The following F8 variants were observed in gnomAD, a reference collection of about 807,000 sequenced individuals.
The protein encoded by F8 is antihemophilic factor.
In F8, 12 loss-of-function variants were observed where a neutral mutation model predicts 140.6. The observed-to-expected ratio is 0.09, with a 90% CI of 0.05 to 0.14. The LOEUF (loss-of-function observed/expected upper bound fraction) is 0.14. F8 is among the 10% of genes least tolerant of loss of function. F8 has a pLI of 1.00. For missense variants in F8, 1,354 were observed against 1,720.7 expected (o/e 0.79, Z 3.77); for synonymous variants, 585 against 614.6 (o/e 0.95, Z 0.71).
rs943592957 is a variant in F8 at position 154,835,981 on chromosome X, C to T, written c.*1616G>A. 3 of 111,988 alleles carry T rather than the reference C, an allele frequency of 2.7e-5. No homozygotes were observed. The highest frequency in any genetic ancestry group is 9.7e-5 in the African/African-American group (3 of 30,826). 9.2% of individuals were successfully genotyped at this position (111,988 alleles called of 1,213,427 possible). A position where few individuals can be genotyped will look rare whatever the true frequency, so the allele number is the denominator to read the frequency against. ...TCACCTTTGGGGTTAACTCCTCTAC[C>T]GGGCTATAAAACAAAACAACTTATT... is the stretch of plus-strand genomic sequence containing the variant. On this transcript the variant is annotated 3_prime_UTR_variant, in exon 26 of 26. Transcript: ENST00000360256.
chrX:154,895,989 G>T, intron 22 of F8, 88 bp downstream of exon 22: 1 of 923,928 alleles, frequency 1.1e-6, no homozygotes, highest in Non-Finnish European at 1.6e-6. Flanking sequence ...TTAAGTTTGT[G>T]GAAGCTAAGA....
intron 1 of F8, among the ~76,000 whole-genome samples, chrX:155,002,815 AG>A (rs2073653752): frequency 8.9e-6 from 1 of 112,108 alleles, no homozygotes; most frequent in African/African-American, 3.2e-5. Flanking sequence ...ATAGTGCACA[AG>A]GGTTCCAATT....
In F8 at chrX:154,861,705, T is replaced by C. The variant is rs781838306; in HGVS notation, c.6723+13A>G. 2.5e-6 allele frequency: 3 copies of C among 1,211,342 alleles called. No homozygotes were observed. In the African/African-American group the frequency reaches 5.2e-5, roughly 21 times the overall value. On this transcript the variant is annotated intron_variant, in intron 24 of 25. Transcript: ENST00000360256. ...CTCTGAGTCAGTTAAACAGTAAATC[T>C]GTTGCCTCTTACCTGAGGTCTCCAG...
chrX:154,966,751 G>A (rs1415374024), intron 7 of F8, 64 bp from the exon 8 acceptor site: 32 of 1,129,137 alleles, frequency 2.8e-5, no homozygotes, highest in Non-Finnish European at 3.1e-5. Flanking sequence ...CTATACCAGA[G>A]ACTAGGTAAT....
At chrX:155,007,968 G>A (rs782556165) in intron 1 of F8, among the ~76,000 whole-genome samples, 5 of 111,162 alleles carry the variant, frequency 4.5e-5, no homozygotes, top group Non-Finnish European at 9.5e-5. Flanking sequence ...TAATCTTGGC[G>A]TAACTTAGCC....
At chrX:154,912,213 G>A (rs1447808028) in intron 14 of F8, among the ~76,000 whole-genome samples, 5 of 111,638 alleles carry the variant, frequency 4.5e-5, no homozygotes, top group Non-Finnish European at 7.5e-5. Context: ...ATATAATCCC[G>A]TTTGTCTACT....
chrX:155,013,336 T>A (rs782490051), intron 1 of F8, among the ~76,000 whole-genome samples: 3 of 109,685 alleles, frequency 2.7e-5, no homozygotes, highest in Non-Finnish European at 5.7e-5. Context: ...ATAAGTCTCA[T>A]GAGGGCTGAT....
At position 154,929,237 on chromosome X, in the gene F8, T is replaced by G; in HGVS notation, c.4553A>C (p.His1518Pro). Residue 1518 changes from histidine to proline, a missense_variant, in exon 14 of 26, where the codon CAC (histidine) becomes CCC (proline). His to Pro is a moderately conservative substitution (Grantham distance 77, BLOSUM62 -2). Transcript: ENST00000360256. ...AGGGAATAGGTCCTTCTGATAAATG[T>G]GAACTTTTGGAAGCAATTCAACTTT... ...SGKVELLPKV[H>P]IYQKDLFPTE... 1 of 1,211,783 alleles carries G rather than the reference T, an allele frequency of 8.3e-7. No homozygotes were observed. The highest frequency in any genetic ancestry group is 1.1e-6 in the Non-Finnish European group (1 of 895,540).
intron 22 of F8, among the ~76,000 whole-genome samples, chrX:154,875,786 G>A (rs1569559396): frequency 9.1e-6 from 1 of 109,471 alleles, no homozygotes; most frequent in Non-Finnish European, 1.9e-5. Flanking sequence ...GAGAGAGAGA[G>A]AGTCTATAAT....
chrX:154,839,529 A>G (rs1458995294), intron 25 of F8, among the ~76,000 whole-genome samples: 2 of 109,037 alleles, frequency 1.8e-5, no homozygotes, highest in Non-Finnish European at 3.8e-5. Flanking sequence ...TGCCCGGCTC[A>G]TTTTTTGTAT....
intron 13 of F8, among the ~76,000 whole-genome samples, chrX:154,939,301 C>T (rs782688492): frequency 5.2e-4 from 58 of 112,155 alleles, no homozygotes; most frequent in African/African-American, 1.9e-3. Context: ...CCTGGAAAAT[C>T]GGGTCACTCC....
chrX:154,960,592 T>TGA lies in F8; in HGVS notation c.1537+481_1537+482dup, dbSNP rs782609475. On this transcript the variant is annotated intron_variant, in intron 10 of 25. Coordinates refer to ENST00000360256, the MANE Select transcript of F8 (RefSeq NM_000132.4). The stretch of plus-strand genomic sequence containing the variant: ...ACCAAAAGTGAGAGTGAAACCCTGT[T>TGA]GAGAGAGAGAGAGAGAGAGAGCAAG... Among the ~76,000 whole-genome samples, 398 of 99,809 alleles carry TGA rather than the reference T, an allele frequency of 4.0e-3. 2 individuals carry two copies. The highest frequency in any genetic ancestry group is 8.5e-3 in the African/African-American group (231 of 27,307). 86.7% of individuals were successfully genotyped at this position (99,809 alleles called of 115,157 possible).
At chrX:154,925,420 C>T (rs1330290917) in intron 14 of F8, among the ~76,000 whole-genome samples, 1 of 111,793 alleles carries the variant, frequency 8.9e-6, no homozygotes, top group Non-Finnish European at 1.9e-5. Context: ...CTCCAGACCC[C>T]GGAATGGTAG....
intron 4 of F8, among the ~76,000 whole-genome samples, chrX:154,991,801 G>A (rs1470373730): frequency 2.7e-5 from 3 of 111,259 alleles, no homozygotes; most frequent in East Asian, 5.6e-4. Context: ...TCCACTCCCC[G>A]CTCCCATCCT....
intron 25 of F8, among the ~76,000 whole-genome samples, chrX:154,838,017 C>G (rs2072488791): frequency 1.8e-5 from 2 of 112,348 alleles, no homozygotes; most frequent in Non-Finnish European, 1.9e-5. Flanking sequence ...TGTCCTGGGT[C>G]ACACACAGCA....
chrX:154,878,781 A>G (rs1437391916), intron 22 of F8, among the ~76,000 whole-genome samples: 1 of 112,628 alleles, frequency 8.9e-6, no homozygotes, highest in African/African-American at 3.2e-5. Context: ...CGAATTCAGC[A>G]AAGTTGCAAG....
At chrX:154,998,006 G>T (rs1161718360) in intron 2 of F8, among the ~76,000 whole-genome samples, 1 of 112,583 alleles carries the variant, frequency 8.9e-6, no homozygotes, top group Non-Finnish European at 1.9e-5. Flanking sequence ...TAAACAGTCT[G>T]TTGAATGAAC....
chrX:154,968,351 G>T (rs1557282229), intron 7 of F8, among the ~76,000 whole-genome samples: 1 of 110,815 alleles, frequency 9.0e-6, no homozygotes, highest in African/African-American at 3.3e-5. Context: ...GCAGAAAAAG[G>T]CAACTTGATA....
intron 13 of F8, 70 bp from the exon 14 acceptor site, chrX:154,931,746 T>C: frequency 1.1e-6 from 1 of 931,651 alleles, no homozygotes; most frequent in Non-Finnish European, 1.5e-6. Context: ...TTAGAGGTTC[T>C]CTCCCATTCC....
Sources: gnomAD v4.1 joint callset for allele counts (sites outside exome capture counted in the v4.1 genomes callset) on GRCh38, gnomAD v4.1.1 for gene constraint, MANE v1.5 for transcripts, NCBI Gene and HGNC (gene_info 2026-07-23, HGNC 2026-07-21) for gene names.